Variants in ZNF432 observed in about 807,000 individuals in gnomAD.
The protein encoded by ZNF432 is zinc finger protein 432.
ZNF432 carries 10 observed loss-of-function variants against 13.9 expected under a neutral mutation model. That is an observed-to-expected ratio of 0.72 (90% confidence interval 0.44 to 1.22). The LOEUF is 1.22. Ranked by LOEUF, ZNF432 falls within the 50% of genes most tolerant of loss-of-function variation. The probability of loss-of-function intolerance (pLI) is 0.00; values close to 1 mark genes in which losing one functional copy is unlikely to be tolerated. For synonymous variants in ZNF432, 247 were observed against 256.2 expected, an observed-to-expected ratio of 0.96 and a Z score of 0.34; for missense variants, 793 against 796.2, an observed-to-expected ratio of 1.00 and a Z score of 0.05.
chr19:52,033,909 A>C lies in ZNF432; in HGVS notation c.1770T>G (p.Val590=). The change falls in exon 5 of 5, where the codon GTT becomes GTG. Residue 590 remains valine (V), a synonymous_variant. Transcript: ENST00000221315. ...ATCCATAAGGTTTTTCTCCAGTATGAACTTGCTTATGTAAAGCAAGCTCTG... is the reference window on the plus strand; with the variant it reads ...ATCCATAAGGTTTTTCTCCAGTATGCACTTGCTTATGTAAAGCAAGCTCTG... ...KETELALHKQ[V]HTGEKPYGCN... The C allele has an allele frequency of 6.2e-7, 1 of 1,614,048 alleles. No homozygotes were observed. The highest frequency in any genetic ancestry group is 8.5e-7 in the Non-Finnish European group (1 of 1,179,986).
chr19:52,037,525 G>A (rs1048542088), intron 4 of ZNF432, among the ~76,000 whole-genome samples: 41 of 152,036 alleles, frequency 2.7e-4, no homozygotes, highest in Non-Finnish European at 4.6e-4. Flanking sequence ...GGCCAGGCAC[G>A]GTGGCTCACA....
chr19:52,034,968 C>G lies in ZNF432; in HGVS notation c.711G>C (p.Leu237Phe), dbSNP rs1359244296. Reference sequence around the variant, plus strand: ...ACTTTCTGGAGAACACTTTTGCACACAAAGTACATCCATAAGGTTTTTCTC... The same window carrying G: ...ACTTTCTGGAGAACACTTTTGCACAGAAAGTACATCCATAAGGTTTTTCTC... ...HTGEKPYGCTLCAKVFSRKSR... is the reference protein window; with the variant it reads ...HTGEKPYGCTFCAKVFSRKSR... Residue 237 changes from leucine to phenylalanine, a missense_variant, in exon 5 of 5, where the codon TTG (leucine) becomes TTC (phenylalanine). Physicochemically the swap from Leu to Phe is conservative, Grantham distance 22. Transcript: ENST00000221315. The G allele has an allele frequency of 4.3e-6, 7 of 1,612,790 alleles. No homozygotes were observed. The highest frequency in any genetic ancestry group is 5.9e-6 in the Non-Finnish European group (7 of 1,179,670).
rs1032550060 is a variant in ZNF432 at position 52,046,720 on chromosome 19, T to A, written c.15+134A>T. 4 of 866,954 alleles carry A rather than the reference T, an allele frequency of 4.6e-6. No homozygotes were observed. The African/African-American group carries it at 6.8e-5, about 15-fold the overall frequency. 53.7% of individuals were successfully genotyped at this position (866,954 alleles called of 1,614,324 possible). A position where few individuals can be genotyped will look rare whatever the true frequency, so the allele number is the denominator to read the frequency against. The stretch of plus-strand genomic sequence containing the variant: ...TGTAGGAATCACATAAACACTATAT[T>A]CCTGATCTTACTTTGCCATGATGTT... On this transcript the variant is annotated intron_variant, in intron 2 of 4. Coordinates refer to ENST00000221315, the MANE Select transcript of ZNF432 (RefSeq NM_014650.4).
intron 2 of ZNF432, among the ~76,000 whole-genome samples, chr19:52,043,550 G>A (rs1039770564): frequency 0.012 from 1,749 of 151,974 alleles, 33 homozygotes; most frequent in African/African-American, 0.04. Context: ...CCCGACACCC[G>A]TAAAGGGTCT....
chr19:52,045,352 C>CTT (rs11433756), intron 2 of ZNF432, among the ~76,000 whole-genome samples: 1,419 of 107,500 alleles, frequency 0.013, 37 homozygotes, highest in Non-Finnish European at 0.016. Flanking sequence ...CTTTTTTTAC[C>CTT]TTTTTTTTTT....
rs1483553246 is a variant in ZNF432 at position 52,034,507 on chromosome 19, T to C, written c.1172A>G (p.His391Arg). Reference sequence around the variant, plus strand: ...TTTCTCTCCTGTATGAGTTCGTTGATGTTCGATCATACGGCTCTTCATGGT... The same window carrying C: ...TTTCTCTCCTGTATGAGTTCGTTGACGTTCGATCATACGGCTCTTCATGGT... ...GFTMKSRMIE[H>R]QRTHTGEKPY... is the part of the protein sequence containing the mutation. Residue 391 changes from histidine to arginine, a missense_variant, in exon 5 of 5, where the codon CAT (histidine) becomes CGT (arginine). Physicochemically the swap from His to Arg is conservative, Grantham distance 29. Coordinates refer to ENST00000221315, the MANE Select transcript of ZNF432 (RefSeq NM_014650.4). 1.2e-6 allele frequency: 2 copies of C among 1,614,090 alleles called. No individual in the cohort carries two copies. Among genetic ancestry groups the C allele is most frequent in the African/African-American group, 1.3e-5 (1 of 75,062 alleles).
intron 1 of ZNF432, among the ~76,000 whole-genome samples, chr19:52,048,030 A>G (rs1185917142): frequency 2.0e-5 from 3 of 152,018 alleles, no homozygotes; most frequent in Non-Finnish European, 4.4e-5. Context: ...GTGGAAAGCC[A>G]GAGGATTAGA....
intron 4 of ZNF432, among the ~76,000 whole-genome samples, chr19:52,036,718 T>C (rs1409745687): frequency 1.3e-5 from 2 of 152,138 alleles, no homozygotes; most frequent in East Asian, 3.8e-4. Flanking sequence ...TCACCCAGGC[T>C]GGCATGCAGT....
At chr19:52,048,182 C>CACACAAAAAAAA (rs1482172095) in intron 1 of ZNF432, among the ~76,000 whole-genome samples, 1 of 146,318 alleles carries the variant, frequency 6.8e-6, no homozygotes, top group African/African-American at 2.6e-5. Context: ...CACACACACA[C>CACACAAAAAAAA]AAAACCAGCC....
intron 3 of ZNF432, among the ~76,000 whole-genome samples, chr19:52,041,027 C>G (rs10414722): frequency 0.011 from 1,699 of 152,098 alleles, 33 homozygotes; most frequent in African/African-American, 0.038. Context: ...ACACTTGAAC[C>G]CAGTTCAAGG....
At chr19:52,044,588 GA>G (rs1363070169) in intron 2 of ZNF432, among the ~76,000 whole-genome samples, 1 of 151,766 alleles carries the variant, frequency 6.6e-6, no homozygotes, top group Non-Finnish European at 1.5e-5. Flanking sequence ...TTTCACAAGA[GA>G]AAAAAATCCA....
intron 4 of ZNF432, among the ~76,000 whole-genome samples, chr19:52,037,319 C>T (rs1384290603): frequency 6.6e-6 from 1 of 152,174 alleles, no homozygotes; most frequent in Non-Finnish European, 1.5e-5. Flanking sequence ...ATAGTCAACA[C>T]TCCACCCTTT....
At position 52,034,903 on chromosome 19, in the gene ZNF432, TTC is replaced by T. The variant is rs759617581; in HGVS notation, c.774_775del (p.Lys259IlefsTer6). On this transcript the variant is annotated frameshift_variant, in exon 5 of 5. Transcript: ENST00000221315. LOFTEE classifies it low-confidence loss of function (END_TRUNC). ...TCCACATTCACTGCATATAAAAGAT[TTC>T]TCTCTTTTATGAATTCTTTGATGTT... 6 of 1,613,382 alleles carry T rather than the reference TTC, an allele frequency of 3.7e-6. No individual in the cohort carries two copies. Among genetic ancestry groups the T allele is most frequent in the East Asian group, 2.2e-5 (1 of 44,858 alleles).
intron 2 of ZNF432, among the ~76,000 whole-genome samples, chr19:52,043,099 G>A (rs914830143): frequency 6.6e-6 from 1 of 152,154 alleles, no homozygotes; most frequent in African/African-American, 2.4e-5. Context: ...ATGGTAGTAG[G>A]AACTTGAGGC....
Position 52,032,525 on chromosome 19 carries a change from C to G in ZNF432, c.*1195G>C, listed in dbSNP as rs1050888909. ...AATCTTGGCTCACTGAAACCTCTGC[C>G]TCCCAGGTTCAAGTGATTCTCCAGC... On this transcript the variant is annotated 3_prime_UTR_variant, in exon 5 of 5. Transcript: ENST00000221315. 2.6e-5 allele frequency: 4 copies of G among 151,604 alleles called. No homozygotes were observed. Among genetic ancestry groups the G allele is most frequent in the African/African-American group, 9.7e-5 (4 of 41,182 alleles). The allele number at this position is 151,604 out of a possible 1,614,324, so 9.4% of individuals were successfully genotyped here. A position where few individuals can be genotyped will look rare whatever the true frequency, so the allele number is the denominator to read the frequency against.
intron 2 of ZNF432, among the ~76,000 whole-genome samples, chr19:52,044,749 C>T (rs1263305367): frequency 2.0e-5 from 3 of 152,172 alleles, no homozygotes; most frequent in Non-Finnish European, 4.4e-5. Flanking sequence ...GCACAAAGGA[C>T]TCCATGTATC....
intron 4 of ZNF432, among the ~76,000 whole-genome samples, 167 bp from the exon 5 acceptor site, chr19:52,035,607 A>G (rs1033198097): frequency 6.6e-6 from 1 of 152,146 alleles, no homozygotes; most frequent in Non-Finnish European, 1.5e-5. Flanking sequence ...ATCTCAGCTC[A>G]CTGCAACCTC....
Position 52,033,623 on chromosome 19 carries a change from A to G in ZNF432, c.*97T>C. 3.7e-6 allele frequency: 5 copies of G among 1,345,562 alleles called. No individual in the cohort carries two copies. Among genetic ancestry groups the G allele is most frequent in the Non-Finnish European group, 5.0e-6 (5 of 994,000 alleles). The allele number at this position is 1,345,562 out of a possible 1,614,324, so 83.4% of individuals were successfully genotyped here. On this transcript the variant is annotated 3_prime_UTR_variant, in exon 5 of 5. Transcript: ENST00000221315. The stretch of plus-strand genomic sequence containing the variant: ...ACTGGATTTTGAAATATGATTTTTC[A>G]TACTCAGTACACATGTAGAAAATCT...
At chr19:52,039,929 T>C (rs2087118775) in intron 4 of ZNF432, among the ~76,000 whole-genome samples, 1 of 151,972 alleles carries the variant, frequency 6.6e-6, no homozygotes. Flanking sequence ...AGTGATACTT[T>C]GAAAATCTTC....
Sources: allele counts gnomAD v4.1 joint callset (sites outside exome capture counted in the v4.1 genomes callset), GRCh38; gene constraint gnomAD v4.1.1; transcripts MANE v1.5; gene names NCBI Gene and HGNC (gene_info 2026-07-23, HGNC 2026-07-21).